Variants in PTPRD observed in about 807,000 individuals in gnomAD.
The protein encoded by PTPRD is receptor-type tyrosine-protein phosphatase delta.
PTPRD carries 34 observed loss-of-function variants against 214.5 expected under a neutral mutation model. The ratio of observed to expected loss-of-function variants is 0.16; its 90% CI spans 0.12 to 0.21. The LOEUF (loss-of-function observed/expected upper bound fraction) is 0.21. PTPRD is among the 10% of genes least tolerant of loss of function. The pLI is 1.00. For missense variants in PTPRD, 2,545 were observed against 2,398.7 expected (o/e 1.06, Z -1.27); for synonymous variants, 1,128 against 845.7 (o/e 1.33, Z -5.79).
intron 3 of PTPRD, among the ~76,000 whole-genome samples, chr9:10,203,896 C>A (rs2154336007): frequency 6.6e-6 from 1 of 152,220 alleles, no homozygotes; most frequent in South Asian, 2.1e-4. Flanking sequence ...TTAGAGAAAA[C>A]AAATTTGCAA....
At chr9:9,016,305 A>G (rs2099534866) in intron 11 of PTPRD, among the ~76,000 whole-genome samples, 1 of 152,208 alleles carries the variant, frequency 6.6e-6, no homozygotes, top group South Asian at 2.1e-4. Flanking sequence ...TGAGGAAGGC[A>G]GTAAAATACA....
chr9:9,575,884 A>ATGCTTGATAGATACTAT (rs930559016), intron 7 of PTPRD, among the ~76,000 whole-genome samples: 1 of 151,900 alleles, frequency 6.6e-6, no homozygotes, highest in Admixed American at 6.6e-5. Flanking sequence ...AGTTTGTTTA[A>ATGCTTGATAGATACTAT]TGCTTGATAG....
chr9:9,434,259 C>T (rs958373729), intron 8 of PTPRD, among the ~76,000 whole-genome samples: 1 of 152,186 alleles, frequency 6.6e-6, no homozygotes, highest in East Asian at 1.9e-4. Flanking sequence ...ACAATCTTAA[C>T]CTTAGGGTTC....
chr9:9,874,738 A>ATCACGTGAATTAATGCTTAT (rs1266752993), intron 5 of PTPRD, among the ~76,000 whole-genome samples: 3 of 152,178 alleles, frequency 2.0e-5, no homozygotes, highest in African/African-American at 7.2e-5. Flanking sequence ...GTCTCCCTAA[A>ATCACGTGAATTAATGCTTAT]TCACGTGAAT....
Position 8,934,242 on chromosome 9 carries a change from A to T in PTPRD, c.-104+84455T>A, listed in dbSNP as rs2098973321. Among the ~76,000 whole-genome samples the T allele has an allele frequency of 1.3e-5, 2 of 150,694 alleles. 1 individual carries two copies. The highest frequency in any genetic ancestry group is 4.2e-4 in the South Asian group (2 of 4,784). On this transcript the variant is annotated intron_variant, in intron 11 of 45. Coordinates refer to ENST00000381196, the MANE Select transcript of PTPRD (RefSeq NM_002839.4). ...GTGATTTGGTACCTAAACAATTTAC[A>T]TGAAAATAACATAAAATTAAGTGAA...
At chr9:8,812,364 T>C (rs12352212) in intron 11 of PTPRD, among the ~76,000 whole-genome samples, 3,826 of 152,310 alleles carry the variant, frequency 0.025, 156 homozygotes, top group African/African-American at 0.086. Flanking sequence ...CATTCTTGGA[T>C]AATAACATTA....
chr9:10,119,968 A>T (rs999161583), intron 3 of PTPRD, among the ~76,000 whole-genome samples: 2 of 152,002 alleles, frequency 1.3e-5, no homozygotes, highest in African/African-American at 4.8e-5. Context: ...TCAAGTGTTT[A>T]TTATTATGAT....
At chr9:10,064,951 C>T (rs2097848348) in intron 3 of PTPRD, among the ~76,000 whole-genome samples, 3 of 151,882 alleles carry the variant, frequency 2.0e-5, no homozygotes, top group Admixed American at 1.3e-4. Flanking sequence ...AGTGACTTTC[C>T]TAAAATTTCC....
chr9:8,876,146 G>A (rs953765830), intron 11 of PTPRD, among the ~76,000 whole-genome samples: 2 of 152,070 alleles, frequency 1.3e-5, no homozygotes, highest in African/African-American at 4.8e-5. Flanking sequence ...GCCTGATTTT[G>A]TGTTTCCACC....
At chr9:8,495,722 T>A (rs960428880) in intron 26 of PTPRD, among the ~76,000 whole-genome samples, 1 of 152,236 alleles carries the variant, frequency 6.6e-6, no homozygotes, top group Admixed American at 6.5e-5. Context: ...ATAATGTATT[T>A]CTTACTGTGA....
At chr9:8,517,698 T>G in intron 21 of PTPRD, 150 bp downstream of exon 21, 1 of 667,684 alleles carries the variant, frequency 1.5e-6, no homozygotes, top group East Asian at 2.7e-5. Context: ...TGCTTGTTCC[T>G]TTTCAGATAT....
At chr9:10,084,222 T>G (rs982629367) in intron 3 of PTPRD, among the ~76,000 whole-genome samples, 1 of 152,016 alleles carries the variant, frequency 6.6e-6, no homozygotes, top group African/African-American at 2.4e-5. Flanking sequence ...CTATAATATT[T>G]GTATGCATAG....
In PTPRD at chr9:9,352,325, ATATGTGTGTG is replaced by A. The variant is rs1442467261; in HGVS notation, c.-203+45114_-203+45123del. Among the ~76,000 whole-genome samples the A allele has an allele frequency of 5.5e-3, 784 of 142,674 alleles. 6 individuals are homozygous for A. Among genetic ancestry groups the A allele is most frequent in the African/African-American group, 0.019 (745 of 38,772 alleles). The allele number at this position is 142,674 out of a possible 152,430, so 93.6% of individuals were successfully genotyped here. A position where few individuals can be genotyped will look rare whatever the true frequency, so the allele number is the denominator to read the frequency against. ...GCCAAAAAACCATATATATATATATATATGTGTGTGTGTGTGTGTGTGTGTGTGTATATAT... is the reference window on the plus strand; with the variant it reads ...GCCAAAAAACCATATATATATATATATGTGTGTGTGTGTGTGTGTATATAT... On this transcript the variant is annotated intron_variant, in intron 9 of 45. Transcript: ENST00000381196.
chr9:8,939,829 G>A (rs1427094336), intron 11 of PTPRD, among the ~76,000 whole-genome samples: 2 of 151,948 alleles, frequency 1.3e-5, no homozygotes, highest in African/African-American at 4.8e-5. Flanking sequence ...TGTTCACTTA[G>A]TGTTGTACTT....
chr9:8,605,042 A>T (rs1370511702), intron 14 of PTPRD, among the ~76,000 whole-genome samples: 1 of 152,196 alleles, frequency 6.6e-6, no homozygotes, highest in Non-Finnish European at 1.5e-5. Flanking sequence ...CCATCTTTTA[A>T]TCTATTAGTT....
intron 39 of PTPRD, among the ~76,000 whole-genome samples, chr9:8,366,080 T>A (rs2079801516): frequency 6.6e-6 from 1 of 152,218 alleles, no homozygotes; most frequent in African/African-American, 2.4e-5. Context: ...ACGGTTATAG[T>A]ATTTTAAAAT....
chr9:10,496,927 G>C (rs1438723644), intron 2 of PTPRD, among the ~76,000 whole-genome samples: 2 of 151,880 alleles, frequency 1.3e-5, no homozygotes, highest in Non-Finnish European at 2.9e-5. Flanking sequence ...TTTGTTGATA[G>C]TTTATTTTTC....
At chr9:8,418,429 C>A (rs3847295) in intron 35 of PTPRD, among the ~76,000 whole-genome samples, 1 of 152,120 alleles carries the variant, frequency 6.6e-6, no homozygotes, top group Non-Finnish European at 1.5e-5. Context: ...GAATTCATTA[C>A]CATAACTTAT....
chr9:10,142,727 G>C (rs893646098), intron 3 of PTPRD, among the ~76,000 whole-genome samples: 25 of 148,938 alleles, frequency 1.7e-4, no homozygotes, highest in Non-Finnish European at 3.0e-4. Context: ...CGATTCCTCA[G>C]GGATCTGGAA....
Sources: allele counts gnomAD v4.1 joint callset (sites outside exome capture counted in the v4.1 genomes callset), GRCh38; gene constraint gnomAD v4.1.1; transcripts MANE v1.5; gene names NCBI Gene and HGNC (gene_info 2026-07-23, HGNC 2026-07-21).